Variants in ROCK1 observed in about 807,000 individuals in gnomAD.
ROCK1 encodes Rho associated coiled-coil containing protein kinase 1.
ROCK1 carries 36 observed loss-of-function variants against 196.8 expected under a neutral mutation model. That is an observed-to-expected ratio of 0.18 (90% CI 0.14 to 0.24). ROCK1 has a LOEUF of 0.24. Ranked by LOEUF, ROCK1 falls within the 10% of genes least tolerant of loss-of-function variation. The pLI is 1.00. For missense variants in ROCK1, 920 were observed against 1,562.0 expected (o/e 0.59, Z 6.93); for synonymous variants, 443 against 515.9 (o/e 0.86, Z 1.91).
intron 1 of ROCK1, 70 bp downstream of exon 1, chr18:21,110,748 C>A: frequency 8.0e-7 from 1 of 1,246,242 alleles, no homozygotes; most frequent in Non-Finnish European, 1.2e-6. Flanking sequence ...TTGCAGCGAA[C>A]CAGACTAATG....
Position 21,006,356 on chromosome 18 carries a change from A to T in ROCK1, c.1880T>A (p.Leu627His), listed in dbSNP as rs1245714314. 1 of 1,608,614 alleles carries T rather than the reference A, an allele frequency of 6.2e-7. No homozygotes were observed. Among genetic ancestry groups the T allele is most frequent in the Non-Finnish European group, 8.5e-7 (1 of 1,178,554 alleles). ...RGHDSEMIGD[L>H]QARITSLQEE... ...ACAATAAGAAAAAATATTACCTTGAAGGTCTCCAATCATCTCAGAATCATG... is the reference window on the plus strand; with the variant it reads ...ACAATAAGAAAAAATATTACCTTGATGGTCTCCAATCATCTCAGAATCATG... The change falls in exon 16 of 33, where the codon CTT becomes CAT. Residue 627 changes from leucine (L) to histidine (H), a missense_variant. By Grantham distance (99) the Leu-to-His change is moderately conservative. Coordinates refer to ENST00000399799, the MANE Select transcript of ROCK1 (RefSeq NM_005406.3).
At chr18:20,983,892 C>A (rs1242349040) in intron 20 of ROCK1, among the ~76,000 whole-genome samples, 1 of 152,152 alleles carries the variant, frequency 6.6e-6, no homozygotes, top group Admixed American at 6.5e-5. Flanking sequence ...GAAGCATATT[C>A]TTCGACAAAT....
intron 1 of ROCK1, among the ~76,000 whole-genome samples, chr18:21,102,631 CT>C (rs1006888102): frequency 6.6e-6 from 1 of 152,284 alleles, no homozygotes; most frequent in African/African-American, 2.4e-5. Flanking sequence ...AATCCTTACA[CT>C]TTGGGAAGCT....
chr18:21,041,002 T>C (rs1460066437), intron 8 of ROCK1, among the ~76,000 whole-genome samples: 1 of 151,790 alleles, frequency 6.6e-6, no homozygotes, highest in Admixed American at 6.6e-5. Context: ...GAACCTGTAG[T>C]CACAGCTACT....
chr18:20,987,196 A>T, intron 18 of ROCK1, 86 bp from the exon 19 acceptor site: 1 of 1,188,154 alleles, frequency 8.4e-7, no homozygotes, highest in Non-Finnish European at 1.2e-6. Flanking sequence ...AACTGGTTTC[A>T]AATGTCTCTA....
intron 22 of ROCK1, among the ~76,000 whole-genome samples, chr18:20,973,474 C>T (rs1319107886): frequency 6.6e-6 from 1 of 151,860 alleles, no homozygotes; most frequent in Non-Finnish European, 1.5e-5. Context: ...GACGGGGTTT[C>T]ACCGTGTTAG....
At chr18:20,974,345 A>G (rs2035459437) in intron 22 of ROCK1, among the ~76,000 whole-genome samples, 1 of 152,188 alleles carries the variant, frequency 6.6e-6, no homozygotes, top group Admixed American at 6.5e-5. Flanking sequence ...TGCCAAATCT[A>G]AGAATATTGG....
chr18:21,062,671 G>T (rs909738443), intron 2 of ROCK1, among the ~76,000 whole-genome samples: 1 of 152,068 alleles, frequency 6.6e-6, no homozygotes, highest in Non-Finnish European at 1.5e-5. Context: ...AAAGAAAATG[G>T]TAACTTACTA....
At chr18:21,018,613 A>T (rs1316503210) in intron 12 of ROCK1, among the ~76,000 whole-genome samples, 1 of 151,764 alleles carries the variant, frequency 6.6e-6, no homozygotes, top group Admixed American at 6.6e-5. Context: ...CCTTATTTAC[A>T]TATTTTATAC....
intron 2 of ROCK1, among the ~76,000 whole-genome samples, chr18:21,052,942 T>C (rs560573068): frequency 6.6e-6 from 1 of 152,276 alleles, no homozygotes; most frequent in African/African-American, 2.4e-5. Context: ...ATACATATTC[T>C]AAAGAAAATA....
chr18:21,001,047 A>G (rs1196659590), intron 16 of ROCK1, among the ~76,000 whole-genome samples: 3 of 152,242 alleles, frequency 2.0e-5, no homozygotes, highest in African/African-American at 7.2e-5. Context: ...CAACAGATGA[A>G]TGGCTAAGCA....
intron 4 of ROCK1, among the ~76,000 whole-genome samples, chr18:21,046,062 T>C (rs1216438201): frequency 2.0e-5 from 3 of 151,888 alleles, no homozygotes; most frequent in Admixed American, 6.6e-5. Flanking sequence ...AGGCACCCGC[T>C]ACCACGCCCG....
intron 9 of ROCK1, among the ~76,000 whole-genome samples, chr18:21,030,979 T>C (rs1598535317): frequency 2.6e-5 from 4 of 152,278 alleles, no homozygotes; most frequent in South Asian, 2.1e-4. Flanking sequence ...AAAGAGGCTA[T>C]AAAAATTTGG....
chr18:20,967,658 A>G (rs549798522), intron 26 of ROCK1, 94 bp downstream of exon 26: 3 of 1,018,448 alleles, frequency 2.9e-6, no homozygotes, highest in Non-Finnish European at 4.2e-6. Flanking sequence ...ATTGTTCCCA[A>G]TCTAAACAAG....
At position 20,951,505 on chromosome 18, in the gene ROCK1, T is replaced by C; in HGVS notation, c.4062-118A>G. Reference sequence around the variant, plus strand: ...ATCTTTACATAAAATAATTAACAATTACACAAAATTTGGAAAACAAGGAAT... The same window carrying C: ...ATCTTTACATAAAATAATTAACAATCACACAAAATTTGGAAAACAAGGAAT... On this transcript the variant is annotated intron_variant, in intron 32 of 32. Transcript: ENST00000399799. 5.5e-6 allele frequency: 4 copies of C among 725,482 alleles called. No homozygotes were observed. In the South Asian group the frequency reaches 1.4e-4, roughly 25 times the overall value. 44.9% of individuals were successfully genotyped at this position (725,482 alleles called of 1,614,324 possible).
chr18:21,070,664 C>A, intron 1 of ROCK1, 51 bp from the exon 2 acceptor site: 1 of 1,168,324 alleles, frequency 8.6e-7, no homozygotes, highest in South Asian at 1.5e-5. Context: ...ATTATACAGT[C>A]TCCTTTTTTA....
intron 1 of ROCK1, among the ~76,000 whole-genome samples, chr18:21,078,602 C>T (rs1041725614): frequency 6.6e-6 from 1 of 152,078 alleles, no homozygotes; most frequent in African/African-American, 2.4e-5. Context: ...GTTCTGAACC[C>T]AGAACAAAAG....
chr18:21,049,886 TGAAAA>T lies in ROCK1; in HGVS notation c.176-11_176-7del. ...TTTATTTATTGTGTCTTTATCTGTATGAAAAGAAAAGTTTATCATTTTAAATCACT... is the reference window on the plus strand; with the variant it reads ...TTTATTTATTGTGTCTTTATCTGTATGAAAAGTTTATCATTTTAAATCACT... On this transcript the variant is annotated splice_polypyrimidine_tract_variant and splice_region_variant and intron_variant, in intron 2 of 32. Coordinates refer to ENST00000399799, the MANE Select transcript of ROCK1 (RefSeq NM_005406.3). 1 of 1,505,358 alleles carries T rather than the reference TGAAAA, an allele frequency of 6.6e-7. No individual in the cohort carries two copies. The highest frequency in any genetic ancestry group is 9.1e-7 in the Non-Finnish European group (1 of 1,098,628). The allele number at this position is 1,505,358 out of a possible 1,614,324, so 93.3% of individuals were successfully genotyped here.
intron 16 of ROCK1, among the ~76,000 whole-genome samples, chr18:21,001,052 T>C (rs542006588): frequency 1.5e-3 from 229 of 152,312 alleles, no homozygotes; most frequent in African/African-American, 5.2e-3. Context: ...GATGAATGGC[T>C]AAGCAAAATG....
Sources: allele counts gnomAD v4.1 joint callset (sites outside exome capture counted in the v4.1 genomes callset), GRCh38; gene constraint gnomAD v4.1.1; transcripts MANE v1.5; gene names NCBI Gene and HGNC (gene_info 2026-07-23, HGNC 2026-07-21).